The following LARGE1 variants were observed in gnomAD, a reference collection of about 807,000 sequenced individuals.
LARGE1 encodes the protein LARGE xylosyl- and glucuronyltransferase 1.
A neutral mutation model predicts 87.6 loss-of-function variants in LARGE1; 43 were observed. That is an observed-to-expected ratio of 0.49 (90% CI 0.38 to 0.63). The LOEUF (loss-of-function observed/expected upper bound fraction) is 0.63, where lower values mean the gene tolerates loss of function less well. Among genes scored for constraint, LARGE1 ranks in the 30% least tolerant of loss-of-function variants. LARGE1 has a pLI of 0.00. For synonymous variants in LARGE1, 434 were observed against 394.6 expected (o/e 1.10, Z -1.18); for missense variants, 802 against 1,000.2 (o/e 0.80, Z 2.67).
At chr22:33,713,949 G>A (rs2082823465) in intron 2 of LARGE1, among the ~76,000 whole-genome samples, 1 of 150,586 alleles carries the variant, frequency 6.6e-6, no homozygotes, top group Admixed American at 6.6e-5. Context: ...GCAAGACCCT[G>A]TCTCAAAGAA....
At chr22:33,882,040 T>TG (rs372507050) in intron 1 of LARGE1, among the ~76,000 whole-genome samples, 36 of 148,722 alleles carry the variant, frequency 2.4e-4, no homozygotes, top group African/African-American at 8.9e-4. Context: ...TTTTTGTTTT[T>TG]TTTTGTTTTT....
chr22:33,554,081 G>A (rs2077607032), intron 6 of LARGE1, among the ~76,000 whole-genome samples: 1 of 152,136 alleles, frequency 6.6e-6, no homozygotes, highest in South Asian at 2.1e-4. Flanking sequence ...CACTGGGTGT[G>A]GGCTGTACAA....
intron 2 of LARGE1, among the ~76,000 whole-genome samples, chr22:33,757,604 C>T (rs1328228272): frequency 6.6e-6 from 1 of 152,174 alleles, no homozygotes; most frequent in Non-Finnish European, 1.5e-5. Flanking sequence ...CTGAGAGCAG[C>T]CACATCTCAG....
intron 9 of LARGE1, among the ~76,000 whole-genome samples, chr22:33,357,922 G>T (rs1941050424): frequency 6.6e-6 from 1 of 152,088 alleles, no homozygotes; most frequent in African/African-American, 2.4e-5. Context: ...GATGACTTTA[G>T]ACTCATGAGG....
chr22:33,710,241 G>T (rs539617109), intron 2 of LARGE1, among the ~76,000 whole-genome samples: 2 of 152,124 alleles, frequency 1.3e-5, no homozygotes, highest in South Asian at 4.1e-4. Flanking sequence ...AATACAAATT[G>T]TATTCGGTGT....
intron 10 of LARGE1, among the ~76,000 whole-genome samples, chr22:33,334,435 A>AAAC (rs796682561): frequency 0.011 from 1,624 of 144,820 alleles, 42 homozygotes; most frequent in African/African-American, 0.016. Flanking sequence ...AAAAAAAAAA[A>AAAC]CACCAAACAA....
At position 33,608,663 on chromosome 22, in the gene LARGE1, C is replaced by T. The variant is rs552379338; in HGVS notation, c.492-4105G>A. ...GTAACAACAACAAAAAGCCAATGCC[C>T]CTCCTTGTATTATCACTGTAACCAC... is the stretch of plus-strand genomic sequence containing the variant. On this transcript the variant is annotated intron_variant, in intron 4 of 14. Coordinates refer to ENST00000397394, the MANE Select transcript of LARGE1 (RefSeq NM_133642.5). 4.6e-5 allele frequency among the ~76,000 whole-genome samples: 7 copies of T among 152,276 alleles called. No individual in the cohort carries two copies. In the East Asian group the frequency reaches 1.4e-3, roughly 29 times the overall value.
the LARGE1 span, among the ~76,000 whole-genome samples, chr22:33,147,732 C>T: frequency 2.6e-5 from 4 of 152,124 alleles, no homozygotes; most frequent in African/African-American, 7.2e-5. Flanking sequence ...TTTTTGCATA[C>T]GCTTTTTTTG....
intron 11 of LARGE1, among the ~76,000 whole-genome samples, chr22:33,262,893 T>C (rs1927720785): frequency 7.5e-6 from 1 of 133,690 alleles, no homozygotes; most frequent in South Asian, 2.8e-4. Flanking sequence ...TCGCCTCCCC[T>C]CCCCTTCCGT....
intron 6 of LARGE1, among the ~76,000 whole-genome samples, chr22:33,441,720 T>C (rs1420529482): frequency 6.6e-6 from 1 of 152,100 alleles, no homozygotes; most frequent in East Asian, 1.9e-4. Context: ...CAGCTTCCCA[T>C]AGTGCTGGCA....
At chr22:33,432,583 T>TCATC (rs760922487) in intron 6 of LARGE1, among the ~76,000 whole-genome samples, 9 of 142,822 alleles carry the variant, frequency 6.3e-5, no homozygotes, top group African/African-American at 2.5e-4. Flanking sequence ...ATTCATTCAT[T>TCATC]CATTCATTCA....
intron 4 of LARGE1, among the ~76,000 whole-genome samples, chr22:33,622,161 TG>T (rs1475541967): frequency 6.6e-6 from 1 of 152,150 alleles, no homozygotes; most frequent in Non-Finnish European, 1.5e-5. Flanking sequence ...CATTTCGAAT[TG>T]TAATTCCTAT....
intron 6 of LARGE1, among the ~76,000 whole-genome samples, chr22:33,445,288 T>C (rs1057271687): frequency 2.6e-5 from 4 of 152,168 alleles, no homozygotes; most frequent in African/African-American, 9.7e-5. Context: ...TTTGGGGGAC[T>C]GAATTCAGCT....
chr22:33,571,340 G>A (rs1004788972), intron 5 of LARGE1, among the ~76,000 whole-genome samples: 1 of 152,146 alleles, frequency 6.6e-6, no homozygotes. Flanking sequence ...CGGTGTAAGT[G>A]ATTCTAGGGT....
At chr22:33,406,332 T>C (rs2066098618) in intron 7 of LARGE1, among the ~76,000 whole-genome samples, 1 of 152,028 alleles carries the variant, frequency 6.6e-6, no homozygotes, top group African/African-American at 2.4e-5. Context: ...CGCAGTCCCA[T>C]CCCTTGAGAT....
intron 11 of LARGE1, among the ~76,000 whole-genome samples, chr22:33,175,685 C>G (rs1024716397): frequency 2.1e-4 from 32 of 152,164 alleles, no homozygotes; most frequent in African/African-American, 7.0e-4. Flanking sequence ...ACATTCCATG[C>G]TCATGGATAG....
At chr22:33,511,631 G>C (rs531248316) in intron 6 of LARGE1, among the ~76,000 whole-genome samples, 2 of 152,158 alleles carry the variant, frequency 1.3e-5, no homozygotes. Context: ...CCTGGAAAAG[G>C]ACTTGGTAGA....
At chr22:33,146,022 T>A in the LARGE1 span, among the ~76,000 whole-genome samples, 1 of 152,166 alleles carries the variant, frequency 6.6e-6, no homozygotes, top group African/African-American at 2.4e-5. Context: ...CCCATTCAAC[T>A]CCTTTATTAA....
chr22:33,829,698 A>G (rs538141397), intron 1 of LARGE1, among the ~76,000 whole-genome samples: 11 of 152,210 alleles, frequency 7.2e-5, no homozygotes, highest in Non-Finnish European at 1.5e-4. Flanking sequence ...CTGCACTGCA[A>G]TCAGATGAAA....
Sources: gnomAD v4.1 joint callset for allele counts (sites outside exome capture counted in the v4.1 genomes callset) on GRCh38, gnomAD v4.1.1 for gene constraint, MANE v1.5 for transcripts, NCBI Gene and HGNC (gene_info 2026-07-23, HGNC 2026-07-21) for gene names.